The following PTPRM variants were observed in gnomAD, a reference collection of about 807,000 sequenced individuals.
The protein encoded by PTPRM is protein tyrosine phosphatase receptor type M, also known as receptor-type tyrosine-protein phosphatase mu.
Under a neutral mutation model 186.7 loss-of-function variants are expected in PTPRM, and 47 were observed. The ratio of observed to expected loss-of-function variants is 0.25; its 90% CI spans 0.20 to 0.32. PTPRM has a LOEUF of 0.32. Ranked by LOEUF, PTPRM falls within the 10% of genes least tolerant of loss-of-function variation. PTPRM has a pLI of 1.00. For synonymous variants in PTPRM, 668 were observed against 674.9 expected (o/e 0.99, Z 0.16); for missense variants, 1,494 against 1,865.0 (o/e 0.80, Z 3.66).
chr18:7,985,709 T>C (rs1383248942), intron 7 of PTPRM, among the ~76,000 whole-genome samples: 2 of 151,514 alleles, frequency 1.3e-5, no homozygotes, highest in African/African-American at 2.4e-5. Flanking sequence ...GATACAGGCA[T>C]GCAATGCAGA....
intron 1 of PTPRM, among the ~76,000 whole-genome samples, chr18:7,644,286 G>C (rs990572245): frequency 6.6e-6 from 1 of 152,062 alleles, no homozygotes; most frequent in Admixed American, 6.6e-5. Flanking sequence ...AAAGATGCTC[G>C]TATTTATGTT....
chr18:8,031,403 A>T (rs1177529488), intron 7 of PTPRM, among the ~76,000 whole-genome samples: 2 of 152,140 alleles, frequency 1.3e-5, no homozygotes, highest in Non-Finnish European at 2.9e-5. Context: ...CATGCGTTTG[A>T]TATTTGGAGG....
At chr18:8,320,636 C>T (rs376722312) in intron 22 of PTPRM, among the ~76,000 whole-genome samples, 27 of 152,216 alleles carry the variant, frequency 1.8e-4, no homozygotes, top group African/African-American at 6.5e-4. Flanking sequence ...GGTGGAAAAG[C>T]TCCAGCTATG....
At chr18:8,073,666 G>C (rs1043589172) in intron 8 of PTPRM, among the ~76,000 whole-genome samples, 1 of 152,146 alleles carries the variant, frequency 6.6e-6, no homozygotes, top group East Asian at 1.9e-4. Context: ...ACTTTGGGAG[G>C]CCAACACAGG....
rs571112935 is a variant in PTPRM, at chr18:8,164,947, T to A, written c.2300+21168T>A. Among the ~76,000 whole-genome samples the A allele has an allele frequency of 2.0e-5, 3 of 152,172 alleles. No homozygotes were observed. The East Asian group carries it at 5.8e-4, about 29-fold the overall frequency. On this transcript the variant is annotated intron_variant, in intron 14 of 32. Transcript: ENST00000580170. ...TGGGAGGCCAAGGTGGGCGGATCAC[T>A]AGGTCAAAAGACCGAAACCATCCTG...
intron 13 of PTPRM, among the ~76,000 whole-genome samples, chr18:8,124,798 A>T (rs2092286573): frequency 6.6e-6 from 1 of 152,172 alleles, no homozygotes; most frequent in East Asian, 1.9e-4. Context: ...CCCTTCCAGA[A>T]GCCAATAGAA....
At chr18:8,299,162 A>G (rs559750994) in intron 20 of PTPRM, among the ~76,000 whole-genome samples, 3 of 152,112 alleles carry the variant, frequency 2.0e-5, no homozygotes, top group South Asian at 2.1e-4. Context: ...CCGTGTGGGT[A>G]TTTGGTGTAC....
intron 1 of PTPRM, among the ~76,000 whole-genome samples, chr18:7,630,242 T>C (rs1598574551): frequency 6.6e-6 from 1 of 152,200 alleles, no homozygotes; most frequent in South Asian, 2.1e-4. Context: ...AGACATCTAA[T>C]GTCTGGTGGT....
intron 2 of PTPRM, among the ~76,000 whole-genome samples, chr18:7,866,463 G>A (rs536850649): frequency 1.2e-4 from 18 of 152,290 alleles, no homozygotes; most frequent in East Asian, 5.8e-4. Flanking sequence ...CCATTCAGGC[G>A]CAGATTGTTC....
At chr18:7,842,627 T>C (rs2046379059) in intron 2 of PTPRM, among the ~76,000 whole-genome samples, 1 of 151,966 alleles carries the variant, frequency 6.6e-6, no homozygotes, top group Non-Finnish European at 1.5e-5. Flanking sequence ...ATTGAAAGCT[T>C]TTAGAAAAGA....
chr18:8,292,893 T>C (rs1381515307), intron 19 of PTPRM, among the ~76,000 whole-genome samples: 2 of 152,202 alleles, frequency 1.3e-5, no homozygotes, highest in African/African-American at 4.8e-5. Context: ...TAAGTTGACT[T>C]AATAGTGTTT....
chr18:8,397,418 G>A (rs1291378839), intron 32 of PTPRM, among the ~76,000 whole-genome samples: 2 of 152,260 alleles, frequency 1.3e-5, no homozygotes, highest in African/African-American at 4.8e-5. Flanking sequence ...GGGAGATCCA[G>A]AAAGCCCTCA....
chr18:8,082,484 T>G lies in PTPRM; in HGVS notation c.1552-3187T>G, dbSNP rs1304657931. The stretch of plus-strand genomic sequence containing the variant: ...TGGAAACCAACCCTCCCTCCCTCCC[T>G]CCTTTTCTCCCTCCTTCTCTCCCTC... On this transcript the variant is annotated intron_variant, in intron 9 of 32. Coordinates refer to ENST00000580170, the MANE Select transcript of PTPRM (RefSeq NM_001105244.2). Among the ~76,000 whole-genome samples the G allele has an allele frequency of 5.1e-5, 4 of 77,776 alleles. No homozygotes were observed. In the East Asian group the frequency reaches 1.5e-3, roughly 29 times the overall value. 51.0% of individuals were successfully genotyped at this position (77,776 alleles called of 152,430 possible).
chr18:8,013,440 T>G (rs2084665160), intron 7 of PTPRM, among the ~76,000 whole-genome samples: 1 of 152,186 alleles, frequency 6.6e-6, no homozygotes, highest in Non-Finnish European at 1.5e-5. Context: ...TATGACAAAG[T>G]AAGCTAGAGA....
intron 1 of PTPRM, among the ~76,000 whole-genome samples, chr18:7,669,284 G>GT (rs572998278): frequency 6.6e-6 from 1 of 152,262 alleles, no homozygotes; most frequent in Admixed American, 6.5e-5. Context: ...CCTTTGGAAA[G>GT]TATGCCTCTG....
chr18:8,357,347 T>C (rs1031679206), intron 23 of PTPRM, among the ~76,000 whole-genome samples: 2 of 152,248 alleles, frequency 1.3e-5, no homozygotes, highest in African/African-American at 4.8e-5. Context: ...TTGAAAATAA[T>C]CTAATCTGAC....
Position 8,379,310 on chromosome 18 carries a change from C to T in PTPRM, c.3756C>T (p.Ser1252=). The T allele has an allele frequency of 1.2e-6, 2 of 1,613,312 alleles. No homozygotes were observed. The highest frequency in any genetic ancestry group is 2.2e-5 in the South Asian group (2 of 91,000). The stretch of plus-strand genomic sequence containing the variant: ...TCCTCATCACCATCGATGGGGAGAG[C>T]AGCAACTACATCAATGCTGCCCTCA... ...LPFLITIDGE[S]SNYINAALMD... The change falls in exon 28 of 33, where the codon AGC becomes AGT. Residue 1252 remains serine (S), a synonymous_variant. Coordinates refer to ENST00000580170, the MANE Select transcript of PTPRM (RefSeq NM_001105244.2).
chr18:8,036,746 C>A (rs1172495343), intron 7 of PTPRM, among the ~76,000 whole-genome samples: 1 of 152,206 alleles, frequency 6.6e-6, no homozygotes, highest in African/African-American at 2.4e-5. Context: ...TCCCCTGTTA[C>A]CTGAGCTCCT....
chr18:7,595,122 C>T (rs186688141), intron 1 of PTPRM, among the ~76,000 whole-genome samples: 43 of 152,240 alleles, frequency 2.8e-4, no homozygotes, highest in African/African-American at 1.0e-3. Context: ...CTCTTAAGGC[C>T]CAGAAAGGTC....
Sources: allele counts gnomAD v4.1 joint callset (sites outside exome capture counted in the v4.1 genomes callset), GRCh38; gene constraint gnomAD v4.1.1; transcripts MANE v1.5; gene names NCBI Gene and HGNC (gene_info 2026-07-23, HGNC 2026-07-21).